Variants in PLA2G4A observed in about 807,000 individuals in gnomAD.
PLA2G4A encodes phospholipase A2 group IVA.
Under a neutral mutation model 81.9 loss-of-function variants are expected in PLA2G4A, and 40 were observed. The observed-to-expected ratio is 0.49, with a 90% confidence interval of 0.38 to 0.64. The LOEUF (loss-of-function observed/expected upper bound fraction) is 0.64. PLA2G4A is among the 30% of genes least tolerant of loss of function. The pLI is 0.00. For missense variants in PLA2G4A, 715 were observed against 905.1 expected (o/e 0.79, Z 2.69); for synonymous variants, 302 against 296.9 (o/e 1.02, Z -0.18).
intron 3 of PLA2G4A, among the ~76,000 whole-genome samples, chr1:186,892,643 T>G (rs1654186451): frequency 6.6e-6 from 1 of 152,166 alleles, no homozygotes; most frequent in Non-Finnish European, 1.5e-5. Flanking sequence ...GCCCATGATC[T>G]TGTCACTATC....
chr1:186,946,613 G>A (rs369156087), intron 10 of PLA2G4A, 24 bp from the exon 11 acceptor site: 1 of 1,570,662 alleles, frequency 6.4e-7, no homozygotes, highest in East Asian at 2.2e-5. Flanking sequence ...TTAATGGATT[G>A]CCTTGTTTTT....
chr1:186,839,130 GA>G (rs1426551922), intron 1 of PLA2G4A, among the ~76,000 whole-genome samples: 2 of 152,140 alleles, frequency 1.3e-5, no homozygotes, highest in Non-Finnish European at 2.9e-5. Context: ...ACATAAAAAT[GA>G]TTTAGTTTTA....
At chr1:186,955,594 C>G (rs6678709) in intron 13 of PLA2G4A, among the ~76,000 whole-genome samples, 27,836 of 151,950 alleles carry the variant, frequency 0.18, 4,515 homozygotes, top group African/African-American at 0.44. Flanking sequence ...CCCTTACACG[C>G]ACTGTAGGTA....
chr1:186,874,095 G>A (rs770046301), intron 3 of PLA2G4A, among the ~76,000 whole-genome samples: 9 of 152,100 alleles, frequency 5.9e-5, no homozygotes, highest in African/African-American at 1.2e-4. Context: ...GGAAGTTGTT[G>A]TAGATGTGAT....
At chr1:186,956,047 C>T (rs1656739450) in intron 13 of PLA2G4A, 55 bp from the exon 14 acceptor site, 7 of 1,547,196 alleles carry the variant, frequency 4.5e-6, no homozygotes, top group Admixed American at 3.3e-5. Flanking sequence ...GCCCAAAGAT[C>T]CCTTTTTAAA....
intron 14 of PLA2G4A, among the ~76,000 whole-genome samples, chr1:186,961,399 A>T (rs550072830): frequency 5.3e-5 from 8 of 152,334 alleles, no homozygotes; most frequent in African/African-American, 1.9e-4. Context: ...AATTAGCTTG[A>T]TTTGATTGTT....
chr1:186,965,654 C>T (rs781209349), intron 15 of PLA2G4A, 61 bp downstream of exon 15: 63 of 1,161,026 alleles, frequency 5.4e-5, no homozygotes, highest in Non-Finnish European at 4.2e-5. Context: ...CCTTATAGAT[C>T]TCTTAGTCCC....
At position 186,912,722 on chromosome 1, in the gene PLA2G4A, T is replaced by TATACA. The variant is rs1558429847; in HGVS notation, c.558+1333_558+1334insATACA. On this transcript the variant is annotated intron_variant, in intron 7 of 17. Transcript: ENST00000367466. ...TTTACTTATTCATATATATGTATATTTATATATACATATATATACATATAT... is the reference window on the plus strand; with the variant it reads ...TTTACTTATTCATATATATGTATATTATACATATATATACATATATATACATATAT... 1.7e-3 allele frequency among the ~76,000 whole-genome samples: 240 copies of TATACA among 140,350 alleles called. 1 individual carries two copies. Among genetic ancestry groups the TATACA allele is most frequent in the African/African-American group, 6.5e-3 (227 of 34,698 alleles). The allele number at this position is 140,350 out of a possible 152,430, so 92.1% of individuals were successfully genotyped here.
chr1:186,988,013 C>T (rs1336624124), intron 17 of PLA2G4A, among the ~76,000 whole-genome samples: 1 of 152,180 alleles, frequency 6.6e-6, no homozygotes, highest in Non-Finnish European at 1.5e-5. Flanking sequence ...TTATAAAGAA[C>T]ATAAATTATA....
chr1:186,925,534 C>G (rs1376932135), intron 7 of PLA2G4A, among the ~76,000 whole-genome samples: 1 of 152,144 alleles, frequency 6.6e-6, no homozygotes, highest in Non-Finnish European at 1.5e-5. Flanking sequence ...GAATCTTTCC[C>G]CGGTTGGAGG....
In PLA2G4A at chr1:186,907,541, C is replaced by T. The variant is rs376225762; in HGVS notation, c.416+539C>T. 8.8e-4 allele frequency among the ~76,000 whole-genome samples: 134 copies of T among 152,276 alleles called. 2 individuals carry two copies. The South Asian group carries it at 0.027, about 31-fold the overall frequency. On this transcript the variant is annotated intron_variant, in intron 6 of 17. Transcript: ENST00000367466. ...GAATCATGTACTTATTTTCAAACGG[C>T]GAATTTTAGGGTAGGCAAGTCTGCC...
rs114402925 is a variant in PLA2G4A, at chr1:186,957,242, T to C, written c.1579+898T>C. 3.4e-3 allele frequency among the ~76,000 whole-genome samples: 517 copies of C among 152,352 alleles called. 3 individuals are homozygous for C. The highest frequency in any genetic ancestry group is 0.012 in the African/African-American group (497 of 41,578). ...CAGTTGCAGAAATTTGGAAACTATT[T>C]CCTATTTTCTGAAAGGGATTTAAAG... is the stretch of plus-strand genomic sequence containing the variant. On this transcript the variant is annotated intron_variant, in intron 14 of 17. Transcript: ENST00000367466.
chr1:186,868,264 G>A (rs1169491814), intron 2 of PLA2G4A, among the ~76,000 whole-genome samples: 1 of 151,816 alleles, frequency 6.6e-6, no homozygotes, highest in Non-Finnish European at 1.5e-5. Flanking sequence ...TTTTAGTAGA[G>A]ATGGGGTTTC....
intron 15 of PLA2G4A, among the ~76,000 whole-genome samples, chr1:186,973,285 G>A (rs1239882771): frequency 6.6e-6 from 1 of 152,050 alleles, no homozygotes; most frequent in Non-Finnish European, 1.5e-5. Context: ...GGCATTGCTC[G>A]CCTTGTGGTT....
At chr1:186,936,998 T>C (rs1413032508) in intron 8 of PLA2G4A, among the ~76,000 whole-genome samples, 3 of 149,696 alleles carry the variant, frequency 2.0e-5, no homozygotes, top group Non-Finnish European at 4.4e-5. Flanking sequence ...GGCTTAACTA[T>C]AGAGTTAAAA....
At chr1:186,892,880 A>T in intron 3 of PLA2G4A, 131 bp from the exon 4 acceptor site, 1 of 712,606 alleles carries the variant, frequency 1.4e-6, no homozygotes, top group Non-Finnish European at 2.5e-6. Context: ...TGTGTATATT[A>T]TCTTGTCTCA....
chr1:186,950,375 T>G (rs1278823767), intron 12 of PLA2G4A, among the ~76,000 whole-genome samples: 1 of 152,170 alleles, frequency 6.6e-6, no homozygotes, highest in Non-Finnish European at 1.5e-5. Flanking sequence ...ATCAAGTTGT[T>G]ATTTTTGTCA....
chr1:186,962,690 T>G (rs924545121), intron 14 of PLA2G4A, among the ~76,000 whole-genome samples: 4 of 151,978 alleles, frequency 2.6e-5, no homozygotes, highest in Non-Finnish European at 5.9e-5. Context: ...CCGGCTAAAT[T>G]TTTGTATTTT....
At chr1:186,857,068 C>CTTTGAA (rs1558367379) in intron 2 of PLA2G4A, among the ~76,000 whole-genome samples, 1 of 19,576 alleles carries the variant, frequency 5.1e-5, no homozygotes, top group African/African-American at 5.4e-4. Flanking sequence ...CATGCAGCCC[C>CTTTGAA]CACATATATT....
Sources: allele counts gnomAD v4.1 joint callset (sites outside exome capture counted in the v4.1 genomes callset), GRCh38; gene constraint gnomAD v4.1.1; transcripts MANE v1.5; gene names NCBI Gene and HGNC (gene_info 2026-07-23, HGNC 2026-07-21).